Variants in AMN1 observed in about 807,000 individuals in gnomAD.
The protein encoded by AMN1 is protein AMN1 homolog.
AMN1 carries 20 observed loss-of-function variants against 33.0 expected under a neutral mutation model. That is an observed-to-expected ratio of 0.61 (90% CI 0.43 to 0.88). The LOEUF (loss-of-function observed/expected upper bound fraction) is 0.88. Ranked by LOEUF, AMN1 falls within the 40% of genes least tolerant of loss-of-function variation. The pLI is 0.00. For missense variants in AMN1, 246 were observed against 307.4 expected, an observed-to-expected ratio of 0.80 and a Z score of 1.49; for synonymous variants, 114 against 111.9, an observed-to-expected ratio of 1.02 and a Z score of -0.12.
intron 1 of AMN1, among the ~76,000 whole-genome samples, chr12:31,720,415 C>T (rs1038556224): frequency 6.6e-6 from 1 of 152,110 alleles, no homozygotes; most frequent in South Asian, 2.1e-4. Flanking sequence ...TGGCAGGTGC[C>T]TGTAATCCCA....
In AMN1 at chr12:31,695,970, C is replaced by T. The variant is rs1028836029; in HGVS notation, c.591+1391G>A. The stretch of plus-strand genomic sequence containing the variant: ...TAAAAAATGTATTTATGGCAGGGCA[C>T]GGTGGCTCACACCTGCAATCCCAGC... On this transcript the variant is annotated intron_variant, in intron 5 of 6. Coordinates refer to ENST00000281471, the MANE Select transcript of AMN1 (RefSeq NM_001113402.2). 6.6e-5 allele frequency among the ~76,000 whole-genome samples: 10 copies of T among 151,804 alleles called. No homozygotes were observed. The South Asian group carries it at 1.0e-3, about 16-fold the overall frequency.
intron 1 of AMN1, among the ~76,000 whole-genome samples, chr12:31,712,534 C>A (rs1939509163): frequency 6.6e-6 from 1 of 152,188 alleles, no homozygotes; most frequent in Non-Finnish European, 1.5e-5. Context: ...GCATGAGCCA[C>A]CGTACCCAGC....
In AMN1 at chr12:31,689,055, A is replaced by G; in HGVS notation, c.655T>C (p.Cys219Arg). ...AAGAGTAATATACGTATTTGAGGAC[A>G]GTAAGTAAGGACAGCTTCGACAGCC... is the stretch of plus-strand genomic sequence containing the variant. ...DGAVEAVLTY[C>R]PQIRILLFHG... Residue 219 changes from cysteine (C) to arginine (R), a missense_variant, in exon 6 of 7, where the codon TGT (cysteine) becomes CGT (arginine). Coordinates refer to ENST00000281471, the MANE Select transcript of AMN1 (RefSeq NM_001113402.2). 6.2e-7 allele frequency: 1 copy of G among 1,613,730 alleles called. No homozygotes were observed. Among genetic ancestry groups the G allele is most frequent in the Non-Finnish European group, 8.5e-7 (1 of 1,179,744 alleles).
chr12:31,701,850 T>C lies in AMN1; in HGVS notation c.316+13A>G. 1 of 1,590,872 alleles carries C rather than the reference T, an allele frequency of 6.3e-7. No individual in the cohort carries two copies. The highest frequency in any genetic ancestry group is 1.2e-5 in the South Asian group (1 of 86,218). On this transcript the variant is annotated intron_variant, in intron 3 of 6. Transcript: ENST00000281471. ...TAGTAATCTACCAATGTACTCAGTG[T>C]TAATAAACATACCTTCTGAAGTTAC...
At chr12:31,713,279 T>C (rs1037158918) in intron 1 of AMN1, among the ~76,000 whole-genome samples, 1 of 152,196 alleles carries the variant, frequency 6.6e-6, no homozygotes, top group Admixed American at 6.5e-5. Flanking sequence ...CACATAAATA[T>C]GTTTAATGTA....
intron 6 of AMN1, among the ~76,000 whole-genome samples, chr12:31,675,732 C>A (rs532817705): frequency 6.6e-6 from 1 of 151,654 alleles, no homozygotes; most frequent in Non-Finnish European, 1.5e-5. Flanking sequence ...CTGACCTCAG[C>A]AGTTTGAGAC....
At chr12:31,712,845 G>A (rs973314328) in intron 1 of AMN1, among the ~76,000 whole-genome samples, 9 of 150,802 alleles carry the variant, frequency 6.0e-5, no homozygotes, top group South Asian at 2.1e-4. Context: ...TAGTAGAGAC[G>A]GGGTTTCACC....
rs1409196140 is a variant in AMN1, at chr12:31,698,048, A to AG, written c.317-92dup. ...ACTGATTTTCATTTTAGCAATCACC[A>AG]GTTCAGTGTTAGCCCTTTTCAAAGT... On this transcript the variant is annotated intron_variant, in intron 3 of 6. Coordinates refer to ENST00000281471, the MANE Select transcript of AMN1 (RefSeq NM_001113402.2). 2.7e-5 allele frequency: 33 copies of AG among 1,244,460 alleles called. 1 individual carries two copies. In the Admixed American group the frequency reaches 6.4e-4, roughly 24 times the overall value. 77.1% of individuals were successfully genotyped at this position (1,244,460 alleles called of 1,614,324 possible). A position where few individuals can be genotyped will look rare whatever the true frequency, so the allele number is the denominator to read the frequency against.
intron 2 of AMN1, chr12:31,708,953 G>A (rs1297564404): frequency 2.5e-6 from 1 of 393,426 alleles, no homozygotes; most frequent in South Asian, 1.9e-5. Context: ...TGAGGCGGAT[G>A]GATCACTTGA....
chr12:31,711,179 T>A (rs1939451918), intron 1 of AMN1, among the ~76,000 whole-genome samples: 1 of 152,066 alleles, frequency 6.6e-6, no homozygotes, highest in Non-Finnish European at 1.5e-5. Flanking sequence ...CAGCCCTATT[T>A]ATTTATTTTA....
At chr12:31,672,441 T>A in intron 6 of AMN1, 64 bp from the exon 7 acceptor site, 2 of 1,143,234 alleles carry the variant, frequency 1.7e-6, no homozygotes, top group Non-Finnish European at 2.6e-6. Context: ...TTTCCTCATG[T>A]CTAACTGGAG....
At chr12:31,701,012 T>G (rs1009599994) in intron 3 of AMN1, among the ~76,000 whole-genome samples, 3 of 149,560 alleles carry the variant, frequency 2.0e-5, no homozygotes, top group African/African-American at 7.4e-5. Flanking sequence ...TGTTGTTGTT[T>G]ATTTTTGAGA....
At chr12:31,711,407 A>G (rs1939461745) in intron 1 of AMN1, among the ~76,000 whole-genome samples, 1 of 152,108 alleles carries the variant, frequency 6.6e-6, no homozygotes, top group Non-Finnish European at 1.5e-5. Context: ...TGTTTTCAAG[A>G]TCACCTACTC....
intron 1 of AMN1, among the ~76,000 whole-genome samples, chr12:31,718,680 G>A (rs879635031): frequency 3.3e-4 from 51 of 152,328 alleles, no homozygotes; most frequent in Middle Eastern, 3.4e-3. Flanking sequence ...CTCAGCTGCA[G>A]GTCTGTTGGA....
intron 1 of AMN1, chr12:31,714,657 C>CA (rs1939601292): frequency 6.6e-6 from 1 of 152,246 alleles, no homozygotes; most frequent in African/African-American, 2.4e-5. Flanking sequence ...GAACACAGAA[C>CA]AAAAAAGATT....
At chr12:31,694,347 CAGA>C (rs1426214495) in intron 5 of AMN1, among the ~76,000 whole-genome samples, 2 of 148,418 alleles carry the variant, frequency 1.3e-5, no homozygotes, top group Non-Finnish European at 3.0e-5. Context: ...GAGGCTGAGG[CAGA>C]AGAATTGCTT....
intron 6 of AMN1, among the ~76,000 whole-genome samples, chr12:31,676,476 C>A (rs1395109425): frequency 6.6e-6 from 1 of 150,846 alleles, no homozygotes; most frequent in Non-Finnish European, 1.5e-5. Flanking sequence ...CAGAATTTGG[C>A]CCCCCCAGCT....
chr12:31,687,886 T>C lies in AMN1; in HGVS notation c.703+1121A>G, dbSNP rs1237085226. On this transcript the variant is annotated intron_variant, in intron 6 of 6. Transcript: ENST00000281471. The surrounding 1 kb of genome is among the most constrained non-coding windows in gnomAD (Gnocchi z 4.1). Reference sequence around the variant, plus strand: ...TACCATGGCTCTTATACAGGCAAAATGGGCTACTGCTGTTTTGTTCTCCTC... The same window carrying C: ...TACCATGGCTCTTATACAGGCAAAACGGGCTACTGCTGTTTTGTTCTCCTC... Among the ~76,000 whole-genome samples the C allele has an allele frequency of 6.6e-6, 1 of 152,100 alleles. No homozygotes were observed. The highest frequency in any genetic ancestry group is 2.4e-5 in the African/African-American group (1 of 41,410).
At chr12:31,698,557 A>G (rs1339084244) in intron 3 of AMN1, among the ~76,000 whole-genome samples, 1 of 152,218 alleles carries the variant, frequency 6.6e-6, no homozygotes, top group East Asian at 1.9e-4. Flanking sequence ...TTAAGCTGAT[A>G]TAAGTGCCCA....
Sources: allele counts gnomAD v4.1 joint callset (sites outside exome capture counted in the v4.1 genomes callset), GRCh38; gene constraint gnomAD v4.1.1; non-coding constraint Gnocchi (gnomAD v3.1); transcripts MANE v1.5; gene names NCBI Gene and HGNC (gene_info 2026-07-23, HGNC 2026-07-21).